Variants in NKAIN2 observed in about 807,000 individuals in gnomAD.
NKAIN2 encodes the protein sodium/potassium-transporting ATPase subunit beta-1-interacting protein 2.
A neutral mutation model predicts 32.6 loss-of-function variants in NKAIN2; 14 were observed. The ratio of observed to expected loss-of-function variants is 0.43; its 90% CI spans 0.28 to 0.67. The LOEUF (loss-of-function observed/expected upper bound fraction) is 0.67. Among genes scored for constraint, NKAIN2 ranks in the 30% least tolerant of loss-of-function variants. The pLI is 0.17. For synonymous variants in NKAIN2, 80 were observed against 87.2 expected (o/e 0.92, Z 0.46); for missense variants, 198 against 258.3 (o/e 0.77, Z 1.60).
chr6:124,204,878 C>G (rs1790776819), intron 1 of NKAIN2, among the ~76,000 whole-genome samples: 1 of 151,436 alleles, frequency 6.6e-6, no homozygotes, highest in Non-Finnish European at 1.5e-5. Context: ...ATAATACAGT[C>G]TGCTTCCTAA....
chr6:124,329,628 G>A (rs1009779437), intron 2 of NKAIN2, among the ~76,000 whole-genome samples: 1 of 152,174 alleles, frequency 6.6e-6, no homozygotes, highest in African/African-American at 2.4e-5. Flanking sequence ...TGGAGACATA[G>A]CACCATGTAA....
chr6:124,636,643 T>C (rs993445852), intron 3 of NKAIN2, among the ~76,000 whole-genome samples: 2 of 151,648 alleles, frequency 1.3e-5, no homozygotes, highest in African/African-American at 4.8e-5. Flanking sequence ...TGCCAACAAA[T>C]TGAAAAACCT....
intron 3 of NKAIN2, among the ~76,000 whole-genome samples, chr6:124,473,120 G>T (rs1185904554): frequency 6.6e-6 from 1 of 152,180 alleles, no homozygotes; most frequent in East Asian, 1.9e-4. Context: ...TAATTTGTTA[G>T]CATAGGATGA....
At chr6:124,546,556 G>A (rs1207693263) in intron 3 of NKAIN2, among the ~76,000 whole-genome samples, 1 of 151,554 alleles carries the variant, frequency 6.6e-6, no homozygotes, top group Non-Finnish European at 1.5e-5. Flanking sequence ...GATAGATAGA[G>A]ATAAAAATAG....
chr6:124,805,357 C>G (rs1166477722), intron 5 of NKAIN2, among the ~76,000 whole-genome samples: 1 of 152,200 alleles, frequency 6.6e-6, no homozygotes, highest in Non-Finnish European at 1.5e-5. Flanking sequence ...TCTGCAGACA[C>G]CGCTGCTGAC....
chr6:124,793,677 C>CTT (rs201022123), intron 5 of NKAIN2, among the ~76,000 whole-genome samples: 1 of 138,392 alleles, frequency 7.2e-6, no homozygotes, highest in Non-Finnish European at 1.5e-5. Context: ...AGACATACTG[C>CTT]TCAAAAAAAA....
At chr6:124,307,153 A>G (rs1417394269) in intron 2 of NKAIN2, among the ~76,000 whole-genome samples, 1 of 152,140 alleles carries the variant, frequency 6.6e-6, no homozygotes, top group Non-Finnish European at 1.5e-5. Context: ...AGTCAATATG[A>G]ATGAAATTAT....
chr6:124,709,796 A>G (rs1334594383), intron 4 of NKAIN2, among the ~76,000 whole-genome samples: 6 of 151,582 alleles, frequency 4.0e-5, no homozygotes, highest in Middle Eastern at 3.4e-3. Context: ...TGGATTCATT[A>G]ATTTTTTGAA....
intron 1 of NKAIN2, among the ~76,000 whole-genome samples, chr6:123,812,393 A>G (rs1311623299): frequency 6.6e-6 from 1 of 152,222 alleles, no homozygotes; most frequent in Non-Finnish European, 1.5e-5. Context: ...AGAATATAGA[A>G]TATTATCAAG....
Position 124,129,438 on chromosome 6 carries a change from CA to C in NKAIN2, c.55-153564del, listed in dbSNP as rs555060294. On this transcript the variant is annotated intron_variant, in intron 1 of 6. Transcript: ENST00000368417. ...CAATAATATTTGAAAACATTAAATG[CA>C]AATGGCTATTATTGGAATGTCTTCA... is the stretch of plus-strand genomic sequence containing the variant. Among the ~76,000 whole-genome samples the C allele has an allele frequency of 1.9e-3, 288 of 152,256 alleles. 2 individuals carry two copies. Among genetic ancestry groups the C allele is most frequent in the Non-Finnish European group, 2.8e-3 (188 of 68,010 alleles).
At chr6:124,347,628 A>G (rs994976848) in intron 2 of NKAIN2, among the ~76,000 whole-genome samples, 7 of 152,022 alleles carry the variant, frequency 4.6e-5, no homozygotes, top group African/African-American at 1.5e-4. Flanking sequence ...TGATCGCATC[A>G]GCTCCTGAGG....
chr6:124,459,400 G>C (rs1000754125), intron 3 of NKAIN2, among the ~76,000 whole-genome samples: 11 of 151,766 alleles, frequency 7.2e-5, no homozygotes, highest in African/African-American at 2.7e-4. Context: ...AAGATTATAA[G>C]ATTGCATATC....
At chr6:123,826,771 C>A (rs12201813) in intron 1 of NKAIN2, among the ~76,000 whole-genome samples, 11,662 of 152,068 alleles carry the variant, frequency 0.077, 763 homozygotes, top group African/African-American at 0.17. Context: ...TGCTTCTATC[C>A]TTTGAAAATT....
At chr6:123,904,606 T>C (rs927023450) in intron 1 of NKAIN2, among the ~76,000 whole-genome samples, 7 of 152,192 alleles carry the variant, frequency 4.6e-5, no homozygotes, top group Non-Finnish European at 7.3e-5. Flanking sequence ...CCAAAAGTGT[T>C]ATACATGGAA....
intron 1 of NKAIN2, among the ~76,000 whole-genome samples, chr6:123,963,692 C>G (rs1345079000): frequency 2.6e-5 from 4 of 152,146 alleles, no homozygotes. Context: ...AGCAGATATT[C>G]AAGGAGACTT....
intron 1 of NKAIN2, among the ~76,000 whole-genome samples, chr6:123,839,207 A>G (rs1397257906): frequency 2.7e-5 from 4 of 150,866 alleles, no homozygotes; most frequent in Admixed American, 2.6e-4. Context: ...TCATTAAGGT[A>G]CTTCTAAACC....
At chr6:124,054,715 A>T (rs1327922739) in intron 1 of NKAIN2, among the ~76,000 whole-genome samples, 1 of 151,734 alleles carries the variant, frequency 6.6e-6, no homozygotes, top group Non-Finnish European at 1.5e-5. Flanking sequence ...ATTGTGGGCA[A>T]CTCCTAGAAA....
intron 2 of NKAIN2, 106 bp downstream of exon 2, chr6:124,283,248 A>G: frequency 1.4e-6 from 1 of 712,148 alleles, no homozygotes; most frequent in Non-Finnish European, 2.4e-6. Flanking sequence ...AAAGATGTGG[A>G]TACTCTCTTT....
chr6:124,792,206 A>G (rs1288304380), intron 5 of NKAIN2, among the ~76,000 whole-genome samples: 1 of 152,182 alleles, frequency 6.6e-6, no homozygotes, highest in African/African-American at 2.4e-5. Context: ...TCTTGGTTTC[A>G]AAAAATATTT....
Sources: allele counts gnomAD v4.1 joint callset (sites outside exome capture counted in the v4.1 genomes callset), GRCh38; gene constraint gnomAD v4.1.1; transcripts MANE v1.5; gene names NCBI Gene and HGNC (gene_info 2026-07-23, HGNC 2026-07-21).